Variants in DOCK4 observed in about 807,000 individuals in gnomAD.
The protein encoded by DOCK4 is dedicator of cytokinesis 4.
Under a neutral mutation model 268.1 loss-of-function variants are expected in DOCK4, and 97 were observed. That is an observed-to-expected ratio of 0.36 (90% CI 0.31 to 0.43). DOCK4 has a LOEUF of 0.43. DOCK4 is among the 20% of genes least tolerant of loss of function. DOCK4 has a pLI of 1.00. For synonymous variants in DOCK4, 954 were observed against 887.2 expected (o/e 1.08, Z -1.34); for missense variants, 2,145 against 2,455.7 (o/e 0.87, Z 2.67).
At chr7:111,787,937 C>T (rs567274710) in intron 32 of DOCK4, among the ~76,000 whole-genome samples, 1 of 152,240 alleles carries the variant, frequency 6.6e-6, no homozygotes, top group East Asian at 1.9e-4. Context: ...AAACAAGTGC[C>T]AGAAGTGAAA....
intron 1 of DOCK4, among the ~76,000 whole-genome samples, chr7:112,139,631 G>A (rs1586904607): frequency 2.0e-5 from 3 of 152,236 alleles, no homozygotes; most frequent in African/African-American, 4.8e-5. Flanking sequence ...GTAGCCAAGC[G>A]TGACAAAATA....
rs767616053 is a variant in DOCK4 at position 111,728,723 on chromosome 7, G to A, written c.5482-3C>T. On this transcript the variant is annotated splice_region_variant and splice_polypyrimidine_tract_variant and intron_variant, in intron 52 of 52. Transcript: ENST00000428084. ...GGGGTGAAAGACTGCACAGAGCCCTGCTCCGGGGAGAAGGAAACGAGAGGG... is the reference window on the plus strand; with the variant it reads ...GGGGTGAAAGACTGCACAGAGCCCTACTCCGGGGAGAAGGAAACGAGAGGG... 27 of 1,601,766 alleles carry A rather than the reference G, an allele frequency of 1.7e-5. No individual in the cohort carries two copies. The South Asian group carries it at 2.9e-4, about 17-fold the overall frequency.
chr7:111,775,378 G>A (rs915050905), intron 36 of DOCK4, among the ~76,000 whole-genome samples: 2 of 152,124 alleles, frequency 1.3e-5, no homozygotes, highest in African/African-American at 2.4e-5. Context: ...CTAATTAAAG[G>A]GTTCTGCTTA....
chr7:111,747,407 G>A lies in DOCK4; in HGVS notation c.4453C>T (p.Leu1485=). The A allele has an allele frequency of 6.2e-7, 1 of 1,609,182 alleles. No homozygotes were observed. Residue 1485 remains leucine, a synonymous_variant, in exon 43 of 53, where the codon CTA becomes TTA. Coordinates refer to ENST00000428084, the MANE Select transcript of DOCK4 (RefSeq NM_001363540.2). ...MSPLENAIEV[L]ENKNQQLKTL... ...TTCAGCTGCTGATTCTTATTTTCTA[G>A]CACTTCAATTGCATTTTCCAGAGGA...
intron 1 of DOCK4, among the ~76,000 whole-genome samples, chr7:112,149,621 T>C (rs1586924941): frequency 6.6e-6 from 1 of 152,104 alleles, no homozygotes; most frequent in Non-Finnish European, 1.5e-5. Flanking sequence ...CATCCCATCA[T>C]GGACAAGAGA....
At chr7:112,041,398 T>C (rs925690695) in intron 1 of DOCK4, among the ~76,000 whole-genome samples, 6 of 152,224 alleles carry the variant, frequency 3.9e-5, no homozygotes, top group Non-Finnish European at 5.9e-5. Context: ...TTTTTAAGCA[T>C]AACAATATGC....
At chr7:111,991,279 A>C (rs537622219) in intron 5 of DOCK4, among the ~76,000 whole-genome samples, 60 of 152,220 alleles carry the variant, frequency 3.9e-4, no homozygotes, top group Non-Finnish European at 2.2e-4. Context: ...AAGAATGCTG[A>C]CATACTGCAG....
intron 7 of DOCK4, among the ~76,000 whole-genome samples, chr7:111,983,371 G>C (rs1798753577): frequency 6.6e-6 from 1 of 152,102 alleles, no homozygotes; most frequent in Non-Finnish European, 1.5e-5. Flanking sequence ...CCAAAAAGGA[G>C]TCTACTATTT....
At chr7:112,071,585 A>C (rs976587992) in intron 1 of DOCK4, among the ~76,000 whole-genome samples, 1 of 152,240 alleles carries the variant, frequency 6.6e-6, no homozygotes, top group Non-Finnish European at 1.5e-5. Flanking sequence ...GAATGATTCT[A>C]TTCCAATAGG....
chr7:111,962,111 G>A (rs910033164), intron 8 of DOCK4, among the ~76,000 whole-genome samples: 1 of 151,964 alleles, frequency 6.6e-6, no homozygotes, highest in Non-Finnish European at 1.5e-5. Context: ...TTCCATTGCG[G>A]AAGTATTTTA....
intron 1 of DOCK4, among the ~76,000 whole-genome samples, chr7:112,041,071 C>G (rs1379673354): frequency 6.6e-6 from 1 of 152,040 alleles, no homozygotes; most frequent in Non-Finnish European, 1.5e-5. Context: ...AGATGCAGCT[C>G]TGAGTTGAGA....
chr7:112,022,562 A>G (rs1387920108), intron 1 of DOCK4, among the ~76,000 whole-genome samples: 1 of 152,188 alleles, frequency 6.6e-6, no homozygotes, highest in Non-Finnish European at 1.5e-5. Flanking sequence ...GCCAGCTATT[A>G]ACCGTGCTGT....
At chr7:111,902,244 C>A (rs1791206181) in intron 13 of DOCK4, among the ~76,000 whole-genome samples, 1 of 152,290 alleles carries the variant, frequency 6.6e-6, no homozygotes, top group Middle Eastern at 3.4e-3. Flanking sequence ...GGTACAATTA[C>A]AACTTAAATC....
At chr7:111,748,816 C>T (rs1417433312) in intron 42 of DOCK4, among the ~76,000 whole-genome samples, 1 of 152,064 alleles carries the variant, frequency 6.6e-6, no homozygotes, top group African/African-American at 2.4e-5. Context: ...TGTTCATAAT[C>T]TCCAAAATCC....
At chr7:111,864,855 T>A (rs530678822) in intron 22 of DOCK4, among the ~76,000 whole-genome samples, 42 of 152,332 alleles carry the variant, frequency 2.8e-4, no homozygotes, top group Non-Finnish European at 3.5e-4. Context: ...GTCAACTAAG[T>A]TGATTTTCCT....
intron 1 of DOCK4, among the ~76,000 whole-genome samples, chr7:112,013,093 C>T (rs921055631): frequency 1.2e-4 from 19 of 152,186 alleles, no homozygotes; most frequent in African/African-American, 3.6e-4. Context: ...TCTTCTATAA[C>T]GTTCTCTCCA....
At chr7:112,179,583 GC>G (rs1310446140) in intron 1 of DOCK4, among the ~76,000 whole-genome samples, 26 of 151,060 alleles carry the variant, frequency 1.7e-4, no homozygotes, top group African/African-American at 6.3e-4. Context: ...AATTAAACAT[GC>G]CTGGCGCTCA....
At chr7:112,100,244 ATAAC>A (rs1240412268) in intron 1 of DOCK4, among the ~76,000 whole-genome samples, 1 of 152,258 alleles carries the variant, frequency 6.6e-6, no homozygotes, top group Non-Finnish European at 1.5e-5. Flanking sequence ...ACTCTAAAAA[ATAAC>A]TATGCATAAT....
chr7:112,035,416 T>C (rs1803667656), intron 1 of DOCK4, among the ~76,000 whole-genome samples: 1 of 152,162 alleles, frequency 6.6e-6, no homozygotes, highest in Non-Finnish European at 1.5e-5. Context: ...ATGTGTCACA[T>C]TCTATAAAAA....
Sources: allele counts gnomAD v4.1 joint callset (sites outside exome capture counted in the v4.1 genomes callset), GRCh38; gene constraint gnomAD v4.1.1; transcripts MANE v1.5; gene names NCBI Gene and HGNC (gene_info 2026-07-23, HGNC 2026-07-21).